The following SOX6 variants were observed in gnomAD, a reference collection of about 807,000 sequenced individuals.
The protein encoded by SOX6 is transcription factor SOX-6.
Under a neutral mutation model 97.8 loss-of-function variants are expected in SOX6, and 11 were observed. The ratio of observed to expected loss-of-function variants is 0.11; its 90% CI spans 0.07 to 0.19. The LOEUF is 0.19. Ranked by LOEUF, SOX6 falls within the 10% of genes least tolerant of loss-of-function variation. The pLI, the probability that SOX6 is intolerant of heterozygous loss-of-function variation, is 1.00. For missense variants in SOX6, 810 were observed against 1,039.5 expected (o/e 0.78, Z 3.04); for synonymous variants, 360 against 371.4 (o/e 0.97, Z 0.35).
At chr11:16,071,967 A>G (rs1848236694) in intron 9 of SOX6, among the ~76,000 whole-genome samples, 1 of 152,154 alleles carries the variant, frequency 6.6e-6, no homozygotes, top group Admixed American at 6.5e-5. Flanking sequence ...CTGAAGGAAC[A>G]TCAGCCCACA....
At chr11:16,314,669 G>A (rs1324886583) in intron 3 of SOX6, 1 of 152,070 alleles carries the variant, frequency 6.6e-6, no homozygotes, top group Non-Finnish European at 1.5e-5. Context: ...TCACTAGACT[G>A]TATTGAAAAT....
chr11:16,142,418 A>T (rs1850169407), intron 6 of SOX6, among the ~76,000 whole-genome samples: 1 of 152,206 alleles, frequency 6.6e-6, no homozygotes, highest in African/African-American at 2.4e-5. Context: ...AGAGCAGAAA[A>T]GCTGAAAATT....
intron 7 of SOX6, among the ~76,000 whole-genome samples, chr11:16,107,693 A>G (rs896766684): frequency 1.8e-4 from 27 of 151,966 alleles, no homozygotes; most frequent in Admixed American, 7.9e-4. Flanking sequence ...GGTATGATGA[A>G]AAAGTTTTGG....
At chr11:16,414,229 C>A (rs1554965830) in intron 1 of SOX6, among the ~76,000 whole-genome samples, 1 of 152,104 alleles carries the variant, frequency 6.6e-6, no homozygotes, top group Non-Finnish European at 1.5e-5. Context: ...TTTCCCCCAC[C>A]AAAAGCTCCA....
intron 3 of SOX6, among the ~76,000 whole-genome samples, chr11:16,652,233 T>A (rs1847663983): frequency 6.6e-6 from 1 of 152,088 alleles, no homozygotes; most frequent in Non-Finnish European, 1.5e-5. Context: ...AGTACCATCA[T>A]TATTCTTCAC....
chr11:16,153,724 G>A (rs775424536), intron 6 of SOX6, among the ~76,000 whole-genome samples: 3 of 152,026 alleles, frequency 2.0e-5, no homozygotes, highest in South Asian at 2.1e-4. Context: ...CACTTCTGCC[G>A]AAATGCCCAC....
chr11:16,534,202 G>A (rs1053466054), intron 4 of SOX6, among the ~76,000 whole-genome samples: 3 of 152,012 alleles, frequency 2.0e-5, no homozygotes, highest in African/African-American at 7.2e-5. Context: ...ATTGGTTGGT[G>A]ATGCAAAAGT....
intron 3 of SOX6, among the ~76,000 whole-genome samples, chr11:16,309,512 A>C (rs1855535424): frequency 6.6e-6 from 1 of 152,186 alleles, no homozygotes; most frequent in Non-Finnish European, 1.5e-5. Context: ...CAAAAAAGGC[A>C]GATAATGATT....
intron 6 of SOX6, among the ~76,000 whole-genome samples, chr11:16,113,907 C>T (rs1252175728): frequency 6.6e-6 from 1 of 151,998 alleles, no homozygotes; most frequent in East Asian, 1.9e-4. Context: ...TGGATTAAGA[C>T]TGAATGGTTA....
chr11:16,373,609 A>G (rs1204877136), intron 1 of SOX6, among the ~76,000 whole-genome samples: 4 of 152,086 alleles, frequency 2.6e-5, no homozygotes, highest in Non-Finnish European at 5.9e-5. Context: ...TATAATTTCC[A>G]GAGATACAAT....
At chr11:16,164,649 C>T (rs1850837957) in intron 6 of SOX6, among the ~76,000 whole-genome samples, 1 of 151,896 alleles carries the variant, frequency 6.6e-6, no homozygotes, top group Admixed American at 6.6e-5. Context: ...AGTAAAACCC[C>T]GTCTCTACTA....
chr11:16,003,445 C>T (rs1053079364), intron 13 of SOX6, among the ~76,000 whole-genome samples: 1 of 152,026 alleles, frequency 6.6e-6, no homozygotes, highest in African/African-American at 2.4e-5. Context: ...CCTATGCGTA[C>T]CTCCATCTTA....
At chr11:16,542,416 A>T (rs1861422978) in intron 4 of SOX6, among the ~76,000 whole-genome samples, 3 of 152,352 alleles carry the variant, frequency 2.0e-5, no homozygotes, top group African/African-American at 7.2e-5. Flanking sequence ...ATACCTATGT[A>T]ACAAACCTGC....
At chr11:15,993,021 G>A (rs1165822692) in intron 13 of SOX6, among the ~76,000 whole-genome samples, 1 of 152,102 alleles carries the variant, frequency 6.6e-6, no homozygotes, top group Non-Finnish European at 1.5e-5. Context: ...TTTAGAAAGT[G>A]TCCCTAAACT....
intron 13 of SOX6, among the ~76,000 whole-genome samples, chr11:16,013,594 C>G (rs1470529824): frequency 6.6e-6 from 1 of 151,974 alleles, no homozygotes; most frequent in Admixed American, 6.6e-5. Flanking sequence ...TATCTATCCT[C>G]CCTCTTCTTC....
chr11:16,636,717 C>A (rs1202860296), intron 3 of SOX6, among the ~76,000 whole-genome samples: 2 of 152,072 alleles, frequency 1.3e-5, no homozygotes, highest in Non-Finnish European at 2.9e-5. Context: ...TGGTGGGAGG[C>A]AATTGAATCA....
chr11:16,597,650 G>C (rs76909483), intron 4 of SOX6, among the ~76,000 whole-genome samples: 1,688 of 151,856 alleles, frequency 0.011, 23 homozygotes, highest in African/African-American at 0.039. Flanking sequence ...GGGTATATTT[G>C]ACAAAAAGAA....
chr11:16,001,258 A>T (rs1854399694), intron 13 of SOX6, among the ~76,000 whole-genome samples: 1 of 152,188 alleles, frequency 6.6e-6, no homozygotes, highest in South Asian at 2.1e-4. Context: ...AGTTTCTAGG[A>T]TAGGAACACC....
At chr11:16,451,268 A>C (rs1414165309) in intron 1 of SOX6, among the ~76,000 whole-genome samples, 3 of 152,092 alleles carry the variant, frequency 2.0e-5, no homozygotes, top group Non-Finnish European at 4.4e-5. Flanking sequence ...ACTTTCTCTG[A>C]GGTAGCATAT....
Sources: allele counts gnomAD v4.1 joint callset (sites outside exome capture counted in the v4.1 genomes callset), GRCh38; gene constraint gnomAD v4.1.1; transcripts MANE v1.5; gene names NCBI Gene and HGNC (gene_info 2026-07-23, HGNC 2026-07-21).